Variants in BORCS5 observed in about 807,000 individuals in gnomAD.
BORCS5 encodes the protein BLOC-1 related complex subunit 5.
In BORCS5, 17 loss-of-function variants were observed where a neutral mutation model predicts 22.1. That is an observed-to-expected ratio of 0.77 (90% CI 0.53 to 1.15). The LOEUF (loss-of-function observed/expected upper bound fraction) is 1.15, where lower values mean the gene tolerates loss of function less well. BORCS5 is among the 50% of genes most tolerant of loss of function. The pLI, the probability that BORCS5 is intolerant of heterozygous loss-of-function variation, is 0.00. For synonymous variants in BORCS5, 117 were observed against 99.8 expected (o/e 1.17, Z -1.03); for missense variants, 247 against 253.2 (o/e 0.98, Z 0.17).
chr12:12,403,064 CTT>C (rs527519657), intron 2 of BORCS5, among the ~76,000 whole-genome samples: 8 of 144,638 alleles, frequency 5.5e-5, no homozygotes, highest in Middle Eastern at 3.5e-3. Context: ...CCACATTTCC[CTT>C]TTTTTTTTTG....
intron 2 of BORCS5, among the ~76,000 whole-genome samples, chr12:12,414,795 G>A (rs1433801369): frequency 7.0e-6 from 1 of 143,470 alleles, no homozygotes; most frequent in African/African-American, 2.6e-5. Context: ...TTCTCAGACG[G>A]GGCGGTTGCC....
chr12:12,387,134 T>C (rs1297669277), intron 2 of BORCS5, among the ~76,000 whole-genome samples: 2 of 151,446 alleles, frequency 1.3e-5, no homozygotes, highest in Non-Finnish European at 3.0e-5. Context: ...CCCTGAGTAG[T>C]TGGGATTGCA....
chr12:12,458,738 C>T (rs1209436433), intron 3 of BORCS5, among the ~76,000 whole-genome samples: 4 of 151,292 alleles, frequency 2.6e-5, no homozygotes, highest in Non-Finnish European at 4.4e-5. Flanking sequence ...TTTGGGAGGC[C>T]GAGGCAGGTG....
At chr12:12,398,313 A>T (rs1046083607) in intron 2 of BORCS5, among the ~76,000 whole-genome samples, 2 of 152,170 alleles carry the variant, frequency 1.3e-5, no homozygotes, top group Admixed American at 1.3e-4. Context: ...ATAGTACAAC[A>T]TGACTGGGAG....
intron 2 of BORCS5, among the ~76,000 whole-genome samples, chr12:12,398,847 A>G (rs1941407844): frequency 6.6e-6 from 1 of 152,150 alleles, no homozygotes. Context: ...TTAGCCAACT[A>G]TTTATTGAAA....
intron 2 of BORCS5, among the ~76,000 whole-genome samples, chr12:12,380,566 ATGC>A (rs1183978090): frequency 1.3e-5 from 2 of 151,668 alleles, no homozygotes; most frequent in Non-Finnish European, 3.0e-5. Context: ...GTTATGAATA[ATGC>A]TGCTATGAAC....
chr12:12,460,705 T>A (rs1190942380), intron 3 of BORCS5, among the ~76,000 whole-genome samples: 1 of 152,218 alleles, frequency 6.6e-6, no homozygotes, highest in South Asian at 2.1e-4. Flanking sequence ...CATGTTCAGT[T>A]TTTTGAGTGC....
intron 3 of BORCS5, among the ~76,000 whole-genome samples, chr12:12,455,116 C>T (rs11054918): frequency 0.26 from 39,356 of 152,094 alleles, 5,541 homozygotes; most frequent in Admixed American, 0.32. Context: ...TCCATTTAGC[C>T]TCTTTAGCTA....
chr12:12,463,208 G>T (rs759392918), intron 3 of BORCS5, among the ~76,000 whole-genome samples: 4 of 152,192 alleles, frequency 2.6e-5, no homozygotes, highest in Non-Finnish European at 5.9e-5. Context: ...GGTTCGTGGA[G>T]TAAAGGTAGG....
At chr12:12,412,583 C>G (rs958582190) in intron 2 of BORCS5, among the ~76,000 whole-genome samples, 7 of 152,046 alleles carry the variant, frequency 4.6e-5, no homozygotes, top group African/African-American at 1.4e-4. Context: ...AATTTAACTT[C>G]TTTCTTTCTA....
chr12:12,452,545 C>A (rs369933381), intron 3 of BORCS5: 88 of 364,092 alleles, frequency 2.4e-4, no homozygotes, highest in African/African-American at 1.7e-3. Context: ...GCGCAAGCCT[C>A]GCCTCGTGAT....
At chr12:12,462,115 T>C (rs1943116757) in intron 3 of BORCS5, among the ~76,000 whole-genome samples, 1 of 152,224 alleles carries the variant, frequency 6.6e-6, no homozygotes, top group South Asian at 2.1e-4. Context: ...GCATAGTGCA[T>C]GGCACATGGC....
In BORCS5 at chr12:12,465,937, A is replaced by T; in HGVS notation, c.*161A>T. The T allele has an allele frequency of 1.6e-6, 1 of 610,954 alleles. No homozygotes were observed. The highest frequency in any genetic ancestry group is 2.9e-6 in the Non-Finnish European group (1 of 350,118). The allele number at this position is 610,954 out of a possible 1,614,324, so 37.8% of individuals were successfully genotyped here. ...CTGGCATGAAAATCTGACTTTGCCC[A>T]GCTCTTTTCCTTGATGCAGTTTCCC... On this transcript the variant is annotated 3_prime_UTR_variant, in exon 4 of 4. Coordinates refer to ENST00000314565, the MANE Select transcript of BORCS5 (RefSeq NM_058169.6).
At chr12:12,444,679 G>T (rs1942748566) in intron 3 of BORCS5, among the ~76,000 whole-genome samples, 1 of 152,052 alleles carries the variant, frequency 6.6e-6, no homozygotes, top group Admixed American at 6.5e-5. Flanking sequence ...CTGATGCAAG[G>T]TTCCATGGTA....
chr12:12,426,660 G>A (rs1942295727), intron 2 of BORCS5, among the ~76,000 whole-genome samples: 1 of 152,188 alleles, frequency 6.6e-6, no homozygotes, highest in Non-Finnish European at 1.5e-5. Flanking sequence ...AGAATAAAGG[G>A]AACAGAGTTT....
chr12:12,461,503 T>C (rs1305565459), intron 3 of BORCS5, among the ~76,000 whole-genome samples: 1 of 152,098 alleles, frequency 6.6e-6, no homozygotes, highest in African/African-American at 2.4e-5. Context: ...AAGATTATAT[T>C]AACTAGTGTT....
At chr12:12,441,197 G>A (rs1014364207) in intron 3 of BORCS5, among the ~76,000 whole-genome samples, 11 of 152,220 alleles carry the variant, frequency 7.2e-5, no homozygotes, top group African/African-American at 2.7e-4. Flanking sequence ...GAGGTCATTT[G>A]TTGAGTGGTC....
intron 3 of BORCS5, among the ~76,000 whole-genome samples, chr12:12,447,735 G>A (rs766824761): frequency 1.3e-5 from 2 of 152,222 alleles, no homozygotes; most frequent in South Asian, 2.1e-4. Context: ...GTGCATACAC[G>A]AGGGAATTAC....
At position 12,357,113 on chromosome 12, in the gene BORCS5, G is replaced by T. The variant is rs1390015793; in HGVS notation, c.-339G>T. ...CGGAAGGAGCGAGCTTGCGGAGCGT[G>T]AACCAGTGAGTGAAAGCGGCGCCGC... On this transcript the variant is annotated 5_prime_UTR_variant, in exon 1 of 4. Coordinates refer to ENST00000314565, the MANE Select transcript of BORCS5 (RefSeq NM_058169.6). 3.3e-6 allele frequency: 5 copies of T among 1,534,476 alleles called. No homozygotes were observed. Among genetic ancestry groups the T allele is most frequent in the Non-Finnish European group, 4.4e-6 (5 of 1,146,152 alleles).
Sources: gnomAD v4.1 joint callset for allele counts (sites outside exome capture counted in the v4.1 genomes callset) on GRCh38, gnomAD v4.1.1 for gene constraint, MANE v1.5 for transcripts, NCBI Gene and HGNC (gene_info 2026-07-23, HGNC 2026-07-21) for gene names.